Variants in ADAM19 observed in about 807,000 individuals in gnomAD.
The protein encoded by ADAM19 is disintegrin and metalloproteinase domain-containing protein 19.
In ADAM19, 65 loss-of-function variants were observed where a neutral mutation model predicts 114.7. The ratio of observed to expected loss-of-function variants is 0.57; its 90% confidence interval spans 0.46 to 0.70. The LOEUF (loss-of-function observed/expected upper bound fraction) is 0.70, where lower values mean the gene tolerates loss of function less well. Among genes scored for constraint, ADAM19 ranks in the 30% least tolerant of loss-of-function variants. The probability of loss-of-function intolerance (pLI) is 0.00; values close to 1 mark genes in which losing one functional copy is unlikely to be tolerated. For synonymous variants in ADAM19, 466 were observed against 460.5 expected, an observed-to-expected ratio of 1.01 and a Z score of -0.15; for missense variants, 1,063 against 1,204.7, an observed-to-expected ratio of 0.88 and a Z score of 1.74.
intron 4 of ADAM19, among the ~76,000 whole-genome samples, chr5:157,537,445 A>T (rs968920855): frequency 6.6e-6 from 1 of 152,274 alleles, no homozygotes; most frequent in African/African-American, 2.4e-5. Context: ...TAAAATATTC[A>T]TAACTTAAAA....
Position 157,481,807 on chromosome 5 carries a change from G to T in ADAM19, c.2687C>A (p.Ala896Glu), listed in dbSNP as rs1295501634. Residue 896 changes from alanine to glutamate, a missense_variant, in exon 22 of 23, where the codon GCA (alanine) becomes GAA (glutamate). Coordinates refer to ENST00000257527, the MANE Select transcript of ADAM19 (RefSeq NM_033274.5). ...TGGACTCACCTTTGGGGCAAGTGCT[G>T]CCAGAGGCCGGGACTGCTGAGGGCC... ...GAGPQQSRPL[A>E]ALAPKFPEYR... The T allele has an allele frequency of 1.3e-6, 2 of 1,575,274 alleles. No individual in the cohort carries two copies. Among genetic ancestry groups the T allele is most frequent in the Non-Finnish European group, 8.6e-7 (1 of 1,159,388 alleles).
intron 7 of ADAM19, among the ~76,000 whole-genome samples, chr5:157,517,523 T>G (rs1001787223): frequency 6.6e-6 from 1 of 152,348 alleles, no homozygotes; most frequent in East Asian, 1.9e-4. Context: ...TTTAGGTGTC[T>G]GCTTCAATGT....
chr5:157,483,703 G>A (rs893116895), intron 21 of ADAM19, among the ~76,000 whole-genome samples: 3 of 150,572 alleles, frequency 2.0e-5, no homozygotes, highest in African/African-American at 7.3e-5. Context: ...GCATGATCTC[G>A]GCTTACTGCA....
chr5:157,530,323 C>T (rs1284495767), intron 5 of ADAM19, among the ~76,000 whole-genome samples: 1 of 152,182 alleles, frequency 6.6e-6, no homozygotes, highest in Non-Finnish European at 1.5e-5. Context: ...AACCCCAGAG[C>T]CTGCTGAAAT....
Position 157,477,304 on chromosome 5 carries a change from T to C in ADAM19, c.*3645A>G, listed in dbSNP as rs1754625322. 2 of 1,002,012 alleles carry C rather than the reference T, an allele frequency of 2.0e-6. No homozygotes were observed. The highest frequency in any genetic ancestry group is 2.4e-6 in the Non-Finnish European group (2 of 838,996). The allele number at this position is 1,002,012 out of a possible 1,614,324, so 62.1% of individuals were successfully genotyped here. A position where few individuals can be genotyped will look rare whatever the true frequency, so the allele number is the denominator to read the frequency against. Reference sequence around the variant, plus strand: ...CACAATAAAGAGCTGCCAAACCAGATAACATTGCAAATGACAAACAATTCA... The same window carrying C: ...CACAATAAAGAGCTGCCAAACCAGACAACATTGCAAATGACAAACAATTCA... On this transcript the variant is annotated 3_prime_UTR_variant, in exon 23 of 23. Coordinates refer to ENST00000257527, the MANE Select transcript of ADAM19 (RefSeq NM_033274.5).
intron 4 of ADAM19, among the ~76,000 whole-genome samples, chr5:157,531,754 G>C (rs1221409772): frequency 1.3e-5 from 2 of 152,056 alleles, no homozygotes; most frequent in East Asian, 3.9e-4. Context: ...CTAACAAGAG[G>C]GAAGGACACA....
In ADAM19 at chr5:157,512,678, G is replaced by A. The variant is rs185591312; in HGVS notation, c.738+756C>T. 2.0e-3 allele frequency among the ~76,000 whole-genome samples: 305 copies of A among 152,276 alleles called. 1 individual carries two copies. Among genetic ancestry groups the A allele is most frequent in the Non-Finnish European group, 3.2e-3 (217 of 68,022 alleles). On this transcript the variant is annotated intron_variant, in intron 8 of 22. Transcript: ENST00000257527. ...AAAATTCAAAAATGTAGGTATTTCC[G>A]AAGAGCATCTTGTAAAAGGTCCTGA... is the stretch of plus-strand genomic sequence containing the variant.
At chr5:157,571,054 G>T in intron 1 of ADAM19, 74 bp from the exon 2 acceptor site, 1 of 1,307,694 alleles carries the variant, frequency 7.6e-7, no homozygotes. Flanking sequence ...TGCACTTTCT[G>T]TGAGCTGCCC....
Position 157,488,297 on chromosome 5 carries a change from T to C in ADAM19, c.2518A>G (p.Ile840Val), listed in dbSNP as rs1413832242. Reference sequence around the variant, plus strand: ...ACGATGCAATTTGGTGCGGGGGGAATTGGCCGGCTTGGAGGAGGCCTCCTG... The same window carrying C: ...ACGATGCAATTTGGTGCGGGGGGAACTGGCCGGCTTGGAGGAGGCCTCCTG... ...SSRRPPPSRPIPPAPNCIVSQ... is the reference protein window; with the variant it reads ...SSRRPPPSRPVPPAPNCIVSQ... Residue 840 changes from isoleucine to valine, a missense_variant, in exon 21 of 23, where the codon ATT becomes GTT. Ile to Val is a conservative substitution (Grantham distance 29, BLOSUM62 3). Transcript: ENST00000257527. The C allele has an allele frequency of 1.2e-6, 2 of 1,614,058 alleles. No individual in the cohort carries two copies. Among genetic ancestry groups the C allele is most frequent in the South Asian group, 1.1e-5 (1 of 91,086 alleles).
chr5:157,514,999 C>A (rs1455231315), intron 7 of ADAM19, among the ~76,000 whole-genome samples: 1 of 152,200 alleles, frequency 6.6e-6, no homozygotes, highest in Non-Finnish European at 1.5e-5. Flanking sequence ...CAAGAACAGC[C>A]AAGTAAAACA....
At chr5:157,481,641 G>C in intron 22 of ADAM19, 150 bp downstream of exon 22, 7 of 1,551,236 alleles carry the variant, frequency 4.5e-6, no homozygotes, top group Non-Finnish European at 6.1e-6. Flanking sequence ...CGGGCACCAA[G>C]AAACATGAAT....
rs201477542 is a variant in ADAM19, at chr5:157,505,631, G to A, written c.1130+38C>T. 1.9e-4 allele frequency: 301 copies of A among 1,608,172 alleles called. 1 individual carries two copies. The highest frequency in any genetic ancestry group is 8.9e-4 in the Admixed American group (53 of 59,744). ...TGGGTCACACTGTCCAGGTGTGCCCGCCCTCCTCCCCATCCTCCCTCTTGC... is the reference window on the plus strand; with the variant it reads ...TGGGTCACACTGTCCAGGTGTGCCCACCCTCCTCCCCATCCTCCCTCTTGC... On this transcript the variant is annotated intron_variant, in intron 11 of 22. Coordinates refer to ENST00000257527, the MANE Select transcript of ADAM19 (RefSeq NM_033274.5).
At chr5:157,543,528 A>G (rs918295329) in intron 3 of ADAM19, among the ~76,000 whole-genome samples, 10 of 152,346 alleles carry the variant, frequency 6.6e-5, no homozygotes, top group African/African-American at 9.6e-5. Context: ...TAGGAAGATC[A>G]TATGAACAAA....
At chr5:157,564,323 T>G in intron 3 of ADAM19, 50 bp downstream of exon 3, 1 of 1,554,496 alleles carries the variant, frequency 6.4e-7, no homozygotes, top group Non-Finnish European at 8.9e-7. Context: ...CGTCCGGCGT[T>G]GACACAGAAG....
chr5:157,545,157 C>T (rs1396178667), intron 3 of ADAM19, among the ~76,000 whole-genome samples: 1 of 152,192 alleles, frequency 6.6e-6, no homozygotes, highest in African/African-American at 2.4e-5. Context: ...TGTTTCTTAG[C>T]ATACTAAGAC....
chr5:157,497,033 C>T lies in ADAM19; in HGVS notation c.1455G>A (p.Glu485=). 1 of 1,578,842 alleles carries T rather than the reference C, an allele frequency of 6.3e-7. No individual in the cohort carries two copies. The highest frequency in any genetic ancestry group is 8.6e-7 in the Non-Finnish European group (1 of 1,165,518). ...AGTGGGGAGACTTGCCCGTACAGAA[C>T]TCCGGGAGGTCACACTGCCTGGCCT... The part of the protein sequence containing the change: ...REQARQCDLP[E]FCTGKSPHCP... Residue 485 remains glutamate (E), a synonymous_variant, in exon 14 of 23, where the codon GAG becomes GAA. Transcript: ENST00000257527.
In ADAM19 at chr5:157,491,584, C is replaced by T. The variant is rs535681267; in HGVS notation, c.2095+31G>A. The T allele has an allele frequency of 1.8e-4, 249 of 1,419,770 alleles. 2 individuals carry two copies. The South Asian group carries it at 3.3e-3, about 19-fold the overall frequency. 87.9% of individuals were successfully genotyped at this position (1,419,770 alleles called of 1,614,324 possible). A position where few individuals can be genotyped will look rare whatever the true frequency, so the allele number is the denominator to read the frequency against. On this transcript the variant is annotated intron_variant, in intron 18 of 22. Transcript: ENST00000257527. ...CTGATGCCCGCTCTTCTCACAAAAGCGGGCAGTGGCCCCAGCAGGCTGGCA... is the reference window on the plus strand; with the variant it reads ...CTGATGCCCGCTCTTCTCACAAAAGTGGGCAGTGGCCCCAGCAGGCTGGCA...
intron 1 of ADAM19, among the ~76,000 whole-genome samples, chr5:157,575,122 C>T (rs1757936473): frequency 6.6e-6 from 1 of 152,228 alleles, no homozygotes; most frequent in Admixed American, 6.5e-5. Context: ...CATTTTATGT[C>T]CTACCCCACC....
chr5:157,574,676 G>A (rs1391623207), intron 1 of ADAM19, among the ~76,000 whole-genome samples: 1 of 152,204 alleles, frequency 6.6e-6, no homozygotes, highest in African/African-American at 2.4e-5. Flanking sequence ...GTCATAATGA[G>A]AGAACCCGGG....
Sources: gnomAD v4.1 joint callset for allele counts (sites outside exome capture counted in the v4.1 genomes callset) on GRCh38, gnomAD v4.1.1 for gene constraint, MANE v1.5 for transcripts, NCBI Gene and HGNC (gene_info 2026-07-23, HGNC 2026-07-21) for gene names.